The following GTPBP4 variants were observed in gnomAD, a reference collection of about 807,000 sequenced individuals.
GTPBP4 encodes GTP binding protein 4.
In GTPBP4, 15 loss-of-function variants were observed where a neutral mutation model predicts 81.7. The ratio of observed to expected loss-of-function variants is 0.18; its 90% confidence interval spans 0.12 to 0.28. The LOEUF (loss-of-function observed/expected upper bound fraction) is 0.28. Among genes scored for constraint, GTPBP4 ranks in the 10% least tolerant of loss-of-function variants. The pLI, the probability that GTPBP4 is intolerant of heterozygous loss-of-function variation, is 1.00. For missense variants in GTPBP4, 847 were observed against 793.8 expected, an observed-to-expected ratio of 1.07 and a Z score of -0.81; for synonymous variants, 272 against 274.6, an observed-to-expected ratio of 0.99 and a Z score of 0.09.
In GTPBP4 at chr10:1,007,887, A is replaced by T; in HGVS notation, c.1113+759A>T. 2 of 516,648 alleles carry T rather than the reference A, an allele frequency of 3.9e-6. 1 individual carries two copies. The highest frequency in any genetic ancestry group is 2.8e-5 in the South Asian group (2 of 71,244). 32.0% of individuals were successfully genotyped at this position (516,648 alleles called of 1,614,324 possible). ...GTTTGTCTGCTTATTGGCCTTTTCA[A>T]AGTTCTTTAGGCTGTTTATCTTTTT... On this transcript the variant is annotated intron_variant, in intron 10 of 16. Coordinates refer to ENST00000360803, the MANE Select transcript of GTPBP4 (RefSeq NM_012341.3).
At chr10:996,967 G>A (rs138403725) in intron 4 of GTPBP4, 150 of 479,466 alleles carry the variant, frequency 3.1e-4, no homozygotes, top group African/African-American at 2.8e-3. Flanking sequence ...GAATTAAAAC[G>A]TGGGCTTAGA....
rs528445784 is a variant in GTPBP4, at chr10:1,017,370, G to A, written c.*143G>A. On this transcript the variant is annotated 3_prime_UTR_variant, in exon 17 of 17. Transcript: ENST00000360803. Reference sequence around the variant, plus strand: ...CACTTGTTGCTTTGCTGAAAACTATGGTTAACCCTATATAGGTGTGGGAAA... The same window carrying A: ...CACTTGTTGCTTTGCTGAAAACTATAGTTAACCCTATATAGGTGTGGGAAA... The A allele has an allele frequency of 1.1e-3, 864 of 777,532 alleles. 6 individuals are homozygous for A. Among genetic ancestry groups the A allele is most frequent in the South Asian group, 9.2e-3 (479 of 52,030 alleles). The allele number at this position is 777,532 out of a possible 1,614,324, so 48.2% of individuals were successfully genotyped here. A position where few individuals can be genotyped will look rare whatever the true frequency, so the allele number is the denominator to read the frequency against.
At chr10:1,001,407 C>T (rs1182826701) in intron 8 of GTPBP4, among the ~76,000 whole-genome samples, 4 of 152,192 alleles carry the variant, frequency 2.6e-5, no homozygotes, top group Non-Finnish European at 5.9e-5. Context: ...GGAATTTGGG[C>T]TTTCTGGATC....
At chr10:1,007,829 T>A in intron 10 of GTPBP4, 1 of 496,052 alleles carries the variant, frequency 2.0e-6, no homozygotes, top group Admixed American at 2.2e-5. Flanking sequence ...TTTATTGTTG[T>A]GTGTTTATGT....
intron 10 of GTPBP4, among the ~76,000 whole-genome samples, chr10:1,007,656 A>G (rs1006452064): frequency 2.6e-5 from 4 of 152,364 alleles, no homozygotes; most frequent in Middle Eastern, 3.4e-3. Flanking sequence ...GTTTTACTGC[A>G]AATGTGTCTG....
At position 1,001,698 on chromosome 10, in the gene GTPBP4, T is replaced by A. The variant is rs1398485992; in HGVS notation, c.912+685T>A. Among the ~76,000 whole-genome samples the A allele has an allele frequency of 6.3e-5, 7 of 111,534 alleles. No individual in the cohort carries two copies. The East Asian group carries it at 1.9e-3, about 31-fold the overall frequency. The allele number at this position is 111,534 out of a possible 152,430, so 73.2% of individuals were successfully genotyped here. A position where few individuals can be genotyped will look rare whatever the true frequency, so the allele number is the denominator to read the frequency against. The stretch of plus-strand genomic sequence containing the variant: ...TCATGGGTGGTTTTTTTTTTTTTTT[T>A]TACAGTTTTGAAAGTATCTCTTGGT... On this transcript the variant is annotated intron_variant, in intron 8 of 16. Transcript: ENST00000360803.
At position 1,015,826 on chromosome 10, in the gene GTPBP4, C is replaced by T. The variant is rs373695235; in HGVS notation, c.1682C>T (p.Pro561Leu). Residue 561 changes from proline to leucine, a missense_variant, in exon 16 of 17, where the codon CCG (proline) becomes CTG (leucine). Coordinates refer to ENST00000360803, the MANE Select transcript of GTPBP4 (RefSeq NM_012341.3). ...RKRKREDSAP[P>L]SSVARSGSCS... is the part of the protein sequence containing the mutation. ...AGAAAGCGGGAAGACTCTGCTCCCC[C>T]GTCCTCTGTGGCCCGGAGTGGGAGT... 1.3e-4 allele frequency: 212 copies of T among 1,613,946 alleles called. No homozygotes were observed. The Middle Eastern group carries it at 3.5e-3, about 26-fold the overall frequency.
intron 5 of GTPBP4, among the ~76,000 whole-genome samples, 155 bp from the exon 6 acceptor site, chr10:998,848 A>C (rs1051745201): frequency 1.3e-5 from 2 of 152,122 alleles, no homozygotes; most frequent in Non-Finnish European, 2.9e-5. Context: ...TGGTGGTGCA[A>C]AGGGAGAGGT....
Position 1,001,031 on chromosome 10 carries a change from T to G in GTPBP4, c.912+18T>G. The G allele has an allele frequency of 1.3e-6, 2 of 1,546,982 alleles. No homozygotes were observed. Among genetic ancestry groups the G allele is most frequent in the South Asian group, 1.1e-5 (1 of 89,498 alleles). On this transcript the variant is annotated intron_variant, in intron 8 of 16. Coordinates refer to ENST00000360803, the MANE Select transcript of GTPBP4 (RefSeq NM_012341.3). Reference sequence around the variant, plus strand: ...ATGATCAGGTAAATCACGTTAATATTTTGAATATTTCTTACTTACCAATTC... The same window carrying G: ...ATGATCAGGTAAATCACGTTAATATGTTGAATATTTCTTACTTACCAATTC...
At chr10:992,793 G>A in intron 2 of GTPBP4, 134 bp downstream of exon 2, 1 of 587,148 alleles carries the variant, frequency 1.7e-6, no homozygotes, top group Non-Finnish European at 3.0e-6. Context: ...TAAGTTAGTG[G>A]CAAAGAACTA....
intron 5 of GTPBP4, 77 bp from the exon 6 acceptor site, chr10:998,926 C>G (rs1831578548): frequency 1.2e-6 from 1 of 815,078 alleles, no homozygotes; most frequent in Admixed American, 1.8e-5. Context: ...TACCCAAAAT[C>G]AGTCTTGTTA....
intron 8 of GTPBP4, among the ~76,000 whole-genome samples, chr10:1,003,685 G>A (rs1276967723): frequency 6.6e-6 from 1 of 152,212 alleles, no homozygotes; most frequent in African/African-American, 2.4e-5. Context: ...TAACTGGGTG[G>A]CTCAGTGGCC....
In GTPBP4 at chr10:1,009,516, CT is replaced by C; in HGVS notation, c.1192-10del. Reference sequence around the variant, plus strand: ...CAAAATGAAGCTGATGATAATTTCTCTTTCTATTGCAGGAACGAGATCTTGA... The same window carrying C: ...CAAAATGAAGCTGATGATAATTTCTCTTCTATTGCAGGAACGAGATCTTGA... On this transcript the variant is annotated splice_polypyrimidine_tract_variant and intron_variant, in intron 11 of 16. Transcript: ENST00000360803. 6.3e-7 allele frequency: 1 copy of C among 1,587,256 alleles called. No homozygotes were observed. Among genetic ancestry groups the C allele is most frequent in the Non-Finnish European group, 8.7e-7 (1 of 1,155,522 alleles).
At chr10:1,001,120 T>A (rs746796448) in intron 8 of GTPBP4, 107 bp downstream of exon 8, 9 of 723,110 alleles carry the variant, frequency 1.2e-5, no homozygotes, top group Non-Finnish European at 2.2e-5. Flanking sequence ...AGTCCACAAT[T>A]GTATTTTATA....
intron 8 of GTPBP4, among the ~76,000 whole-genome samples, chr10:1,001,517 A>C (rs1406811019): frequency 3.3e-5 from 5 of 152,232 alleles, no homozygotes; most frequent in Non-Finnish European, 5.9e-5. Flanking sequence ...AACCTTTTTA[A>C]TAGGCATCCT....
At chr10:1,014,817 G>T (rs2132175470) in intron 15 of GTPBP4, among the ~76,000 whole-genome samples, 2 of 152,132 alleles carry the variant, frequency 1.3e-5, no homozygotes, top group Middle Eastern at 3.4e-3. Context: ...CCCTGGGTCT[G>T]GGTTGAAGTG....
At chr10:1,010,966 C>G in intron 13 of GTPBP4, among the ~76,000 whole-genome samples, 1 of 110,908 alleles carries the variant, frequency 9.0e-6, no homozygotes, top group Admixed American at 9.6e-5. Context: ...TTCTCCTGCA[C>G]CCCTCCATCC....
At chr10:990,270 T>G (rs1358454809) in intron 1 of GTPBP4, among the ~76,000 whole-genome samples, 2 of 152,084 alleles carry the variant, frequency 1.3e-5, no homozygotes, top group African/African-American at 4.8e-5. Context: ...ATGGTAATTG[T>G]TTGGTGATTG....
chr10:1,002,111 G>C (rs985315925), intron 8 of GTPBP4, among the ~76,000 whole-genome samples: 2 of 152,062 alleles, frequency 1.3e-5, no homozygotes, highest in Non-Finnish European at 2.9e-5. Context: ...TTTTAGTAGA[G>C]AGGGTTTTAC....
Sources: allele counts gnomAD v4.1 joint callset (sites outside exome capture counted in the v4.1 genomes callset), GRCh38; gene constraint gnomAD v4.1.1; transcripts MANE v1.5; gene names NCBI Gene and HGNC (gene_info 2026-07-23, HGNC 2026-07-21).